Variants in HSDL2 observed in about 807,000 individuals in gnomAD.
HSDL2 encodes hydroxysteroid dehydrogenase like 2.
In HSDL2, 27 loss-of-function variants were observed where a neutral mutation model predicts 46.3. The ratio of observed to expected loss-of-function variants is 0.58; its 90% CI spans 0.43 to 0.80. The LOEUF is 0.80. Among genes scored for constraint, HSDL2 ranks in the 30% least tolerant of loss-of-function variants. The probability of loss-of-function intolerance (pLI) is 0.00; values close to 1 mark genes in which losing one functional copy is unlikely to be tolerated. For synonymous variants in HSDL2, 153 were observed against 163.6 expected, an observed-to-expected ratio of 0.94 and a Z score of 0.50; for missense variants, 451 against 502.7, an observed-to-expected ratio of 0.90 and a Z score of 0.98.
chr9:112,390,046 CAG>C (rs1358833765), intron 1 of HSDL2, among the ~76,000 whole-genome samples: 2 of 148,776 alleles, frequency 1.3e-5, no homozygotes, highest in African/African-American at 5.0e-5. Context: ...GCCTGGGCAA[CAG>C]AGTGAGACTC....
At chr9:112,461,579 T>A (rs1297862882) in intron 10 of HSDL2, among the ~76,000 whole-genome samples, 1 of 152,238 alleles carries the variant, frequency 6.6e-6, no homozygotes, top group African/African-American at 2.4e-5. Flanking sequence ...GAAATAACAG[T>A]AATTATGTAT....
At position 112,426,231 on chromosome 9, in the gene HSDL2, C is replaced by T. The variant is rs563969583; in HGVS notation, c.598+7273C>T. On this transcript the variant is annotated intron_variant, in intron 6 of 10. Transcript: ENST00000398805. ...ACACAATCCCCACTTTCTGGTAAGC[C>T]TTCTTTTTTTTTTTTTTTTTTTGAG... 1.3e-4 allele frequency among the ~76,000 whole-genome samples: 16 copies of T among 118,922 alleles called. 1 individual carries two copies. Among genetic ancestry groups the T allele is most frequent in the Non-Finnish European group, 2.5e-4 (15 of 59,164 alleles). The allele number at this position is 118,922 out of a possible 152,430, so 78.0% of individuals were successfully genotyped here. A position where few individuals can be genotyped will look rare whatever the true frequency, so the allele number is the denominator to read the frequency against.
chr9:112,431,822 T>C (rs1475933590), intron 6 of HSDL2, among the ~76,000 whole-genome samples: 1 of 151,876 alleles, frequency 6.6e-6, no homozygotes, highest in Non-Finnish European at 1.5e-5. Context: ...CATGCAGAAC[T>C]GTGAGCCAGT....
At chr9:112,431,131 T>G (rs918543173) in intron 6 of HSDL2, among the ~76,000 whole-genome samples, 1 of 151,022 alleles carries the variant, frequency 6.6e-6, no homozygotes, top group Non-Finnish European at 1.5e-5. Flanking sequence ...CGCCAGGAAC[T>G]GAGATGGAGA....
rs527433293 is a variant in HSDL2, at chr9:112,440,692, G to A, written c.794-1007G>A. ...GTTCAAGACCATACTGGGCAACATG[G>A]CAAAACCCCATCTCTACAAAAAATA... On this transcript the variant is annotated intron_variant, in intron 7 of 10. Coordinates refer to ENST00000398805, the MANE Select transcript of HSDL2 (RefSeq NM_032303.5). 3.9e-5 allele frequency among the ~76,000 whole-genome samples: 6 copies of A among 152,178 alleles called. No individual in the cohort carries two copies. The South Asian group carries it at 1.2e-3, about 32-fold the overall frequency.
chr9:112,465,602 T>C (rs1833352073), intron 10 of HSDL2, among the ~76,000 whole-genome samples: 2 of 152,234 alleles, frequency 1.3e-5, no homozygotes, highest in African/African-American at 4.8e-5. Flanking sequence ...ATCTGCTTTT[T>C]CTCTATTGAT....
intron 8 of HSDL2, among the ~76,000 whole-genome samples, chr9:112,448,927 C>T (rs547944380): frequency 6.6e-6 from 1 of 151,896 alleles, no homozygotes; most frequent in Non-Finnish European, 1.5e-5. Context: ...GAAGTTATTT[C>T]TTTCAAAACT....
chr9:112,420,276 T>G (rs1832088831), intron 6 of HSDL2, among the ~76,000 whole-genome samples: 1 of 152,140 alleles, frequency 6.6e-6, no homozygotes, highest in Non-Finnish European at 1.5e-5. Flanking sequence ...ATTGGACCAC[T>G]GCACTCCATC....
intron 6 of HSDL2, among the ~76,000 whole-genome samples, chr9:112,433,290 A>G (rs922514787): frequency 2.0e-5 from 3 of 152,144 alleles, no homozygotes; most frequent in Admixed American, 1.3e-4. Context: ...AGGTTGGTGT[A>G]TGTATGATAG....
At chr9:112,387,871 G>T (rs748955440) in intron 1 of HSDL2, among the ~76,000 whole-genome samples, 52 of 152,082 alleles carry the variant, frequency 3.4e-4, no homozygotes, top group Non-Finnish European at 6.0e-4. Flanking sequence ...TCCAAAATGA[G>T]CATTCAGCCA....
chr9:112,400,213 C>T (rs1282232750), intron 1 of HSDL2, among the ~76,000 whole-genome samples: 1 of 152,128 alleles, frequency 6.6e-6, no homozygotes, highest in African/African-American at 2.4e-5. Flanking sequence ...TTTCATAATA[C>T]TGAATTGGTG....
chr9:112,388,084 A>C (rs1240007657), intron 1 of HSDL2, among the ~76,000 whole-genome samples: 1 of 151,294 alleles, frequency 6.6e-6, no homozygotes, highest in African/African-American at 2.4e-5. Flanking sequence ...GCTTGAGTCC[A>C]GGAGGTCAAG....
chr9:112,400,941 T>C (rs980357728), intron 1 of HSDL2, among the ~76,000 whole-genome samples: 8 of 152,202 alleles, frequency 5.3e-5, no homozygotes, highest in African/African-American at 1.9e-4. Context: ...ACTAATTACA[T>C]CTTCAGCAAT....
chr9:112,454,049 T>C lies in HSDL2; in HGVS notation c.902T>C (p.Leu301Pro), dbSNP rs1322591993. Residue 301 changes from leucine to proline, a missense_variant, in exon 9 of 11, where the codon CTG becomes CCG. Transcript: ENST00000398805. Reference protein sequence around the residue: ...VPEFKEEKLQLQPKPRSGAVE... With the variant: ...VPEFKEEKLQPQPKPRSGAVE... ...GAATTCAAAGAAGAGAAACTGCAGC[T>C]GCAACCAAAACCACGTTCTGGAGCT... 6.2e-7 allele frequency: 1 copy of C among 1,613,970 alleles called. No homozygotes were observed. The highest frequency in any genetic ancestry group is 1.3e-5 in the African/African-American group (1 of 74,940).
intron 10 of HSDL2, among the ~76,000 whole-genome samples, 165 bp downstream of exon 10, chr9:112,459,742 C>A (rs1238818654): frequency 6.6e-6 from 1 of 152,226 alleles, no homozygotes; most frequent in Non-Finnish European, 1.5e-5. Flanking sequence ...CCACTTCTCC[C>A]TCCTCTCACA....
intron 8 of HSDL2, among the ~76,000 whole-genome samples, chr9:112,447,692 T>C (rs534491380): frequency 1.4e-4 from 21 of 152,328 alleles, no homozygotes; most frequent in African/African-American, 3.8e-4. Context: ...ATGTTGGCTA[T>C]ATAAAAAATC....
chr9:112,416,748 G>A, intron 4 of HSDL2, 93 bp from the exon 5 acceptor site: 1 of 629,212 alleles, frequency 1.6e-6, no homozygotes, highest in East Asian at 2.8e-5. Context: ...ACTCCAGCCT[G>A]GGCAACAGAG....
intron 10 of HSDL2, among the ~76,000 whole-genome samples, chr9:112,466,414 A>G (rs10759571): frequency 0.96 from 145,305 of 152,126 alleles, 69,457 homozygotes; most frequent in African/African-American, 0.98. Flanking sequence ...TTAGCTGGGC[A>G]TGGTGGCAGG....
At chr9:112,410,158 G>A (rs1375336243) in intron 4 of HSDL2, among the ~76,000 whole-genome samples, 1 of 152,188 alleles carries the variant, frequency 6.6e-6, no homozygotes, top group Non-Finnish European at 1.5e-5. Flanking sequence ...ACTATCGAAT[G>A]AAAGAACATA....
Sources: allele counts gnomAD v4.1 joint callset (sites outside exome capture counted in the v4.1 genomes callset), GRCh38; gene constraint gnomAD v4.1.1; transcripts MANE v1.5; gene names NCBI Gene and HGNC (gene_info 2026-07-23, HGNC 2026-07-21).